Variants in GLIPR1 observed in about 807,000 individuals in gnomAD.
GLIPR1 encodes the protein GLI pathogenesis related 1.
GLIPR1 carries 38 observed loss-of-function variants against 30.3 expected under a neutral mutation model. That is an observed-to-expected ratio of 1.26 (90% CI 0.97 to 1.65). The LOEUF is 1.65. Among genes scored for constraint, GLIPR1 ranks in the 40% most tolerant of loss-of-function variants. The pLI, the probability that GLIPR1 is intolerant of heterozygous loss-of-function variation, is 0.00. For missense variants in GLIPR1, 285 were observed against 326.5 expected (o/e 0.87, Z 0.98); for synonymous variants, 122 against 110.6 (o/e 1.10, Z -0.65).
intron 1 of GLIPR1, 104 bp from the exon 2 acceptor site, chr12:75,481,730 A>C: frequency 3.1e-6 from 3 of 983,236 alleles, no homozygotes; most frequent in Non-Finnish European, 4.7e-6. Flanking sequence ...ATGCAGTGGT[A>C]TCTTCTCTCC....
intron 3 of GLIPR1, chr12:75,490,868 T>C (rs890427101): frequency 1.9e-5 from 3 of 159,488 alleles, no homozygotes; most frequent in African/African-American, 7.2e-5. Flanking sequence ...TGATGTTATA[T>C]TTATTGGTTT....
intron 4 of GLIPR1, chr12:75,496,967 A>T (rs2046355508): frequency 1.3e-5 from 2 of 152,232 alleles, no homozygotes; most frequent in South Asian, 4.1e-4. Context: ...ACATGTAGCC[A>T]CAATGCAGAT....
chr12:75,495,761 C>A, intron 4 of GLIPR1, 99 bp downstream of exon 4: 2 of 693,530 alleles, frequency 2.9e-6, no homozygotes, highest in South Asian at 2.0e-5. Flanking sequence ...TAACGGCTAT[C>A]TTCAAGGAAA....
intron 2 of GLIPR1, chr12:75,483,465 A>C (rs2046280543): frequency 6.6e-6 from 1 of 152,250 alleles, no homozygotes; most frequent in African/African-American, 2.4e-5. Flanking sequence ...TTATGAGCTA[A>C]CATTTTATTG....
At chr12:75,483,561 G>A (rs10748279) in intron 2 of GLIPR1, 141,059 of 152,266 alleles carry the variant, frequency 0.93, 65,443 homozygotes, top group East Asian at 1. Flanking sequence ...ATGGTCCCTG[G>A]CCCTCAGAAA....
rs1233894257 is a variant in GLIPR1, at chr12:75,501,672, G to C, written c.*2694G>C. ...AAAAAGATTCAGACAAATTTATTAT[G>C]GGTTTACTTTTCCTAATTAATAAAG... On this transcript the variant is annotated 3_prime_UTR_variant, in exon 6 of 6. Coordinates refer to ENST00000266659, the MANE Select transcript of GLIPR1 (RefSeq NM_006851.3). The C allele has an allele frequency of 1.7e-6, 2 of 1,167,600 alleles. No individual in the cohort carries two copies. The highest frequency in any genetic ancestry group is 4.0e-5 in the Admixed American group (2 of 50,032). 72.3% of individuals were successfully genotyped at this position (1,167,600 alleles called of 1,614,324 possible).
chr12:75,485,533 T>TTTATTTATTTA (rs1555239138), intron 2 of GLIPR1, among the ~76,000 whole-genome samples: 2 of 110,428 alleles, frequency 1.8e-5, no homozygotes, highest in Non-Finnish European at 4.1e-5. Context: ...GACAGCTTTA[T>TTTATTTATTTA]TTTATTTATT....
chr12:75,500,149 TAAAAC>T lies in GLIPR1; in HGVS notation c.*1175_*1179del, dbSNP rs1205395513. The T allele has an allele frequency of 2.2e-5, 9 of 408,378 alleles. No homozygotes were observed. The highest frequency in any genetic ancestry group is 3.4e-5 in the Non-Finnish European group (8 of 235,586). 25.3% of individuals were successfully genotyped at this position (408,378 alleles called of 1,614,324 possible). On this transcript the variant is annotated 3_prime_UTR_variant, in exon 6 of 6. Coordinates refer to ENST00000266659, the MANE Select transcript of GLIPR1 (RefSeq NM_006851.3). ...AGTTAGAAATTTCTTCAGATTAAGA[TAAAAC>T]AAATCATAAAATACTTTATATATTA...
intron 4 of GLIPR1, chr12:75,496,101 T>A (rs1391787938): frequency 6.6e-6 from 1 of 151,310 alleles, no homozygotes; most frequent in African/African-American, 2.4e-5. Context: ...TCTCACGGGT[T>A]CAGGCGATCC....
At chr12:75,498,667 T>TTTTC in intron 4 of GLIPR1, 27 bp from the exon 5 acceptor site, 1 of 1,598,288 alleles carries the variant, frequency 6.3e-7, no homozygotes, top group Non-Finnish European at 8.6e-7. Flanking sequence ...TTTTAATTTT[T>TTTTC]TTTCTTTCTT....
At chr12:75,490,557 C>CCCG in intron 3 of GLIPR1, 39 bp downstream of exon 3, 1 of 155,578 alleles carries the variant, frequency 6.4e-6, no homozygotes, top group East Asian at 1.7e-4. Flanking sequence ...GAAACGCCCC[C>CCCG]CCCCCCCCGC....
rs1035826809 is a variant in GLIPR1, at chr12:75,499,686, AACC to A, written c.*719_*721del. ...TTATAAAGAACACTCTTCTATGAAC[AACC>A]ACCACCACCAAAAAAAAAAAAAGCC... On this transcript the variant is annotated 3_prime_UTR_variant, in exon 6 of 6. Transcript: ENST00000266659. 319 of 557,280 alleles carry A rather than the reference AACC, an allele frequency of 5.7e-4. No homozygotes were observed. The highest frequency in any genetic ancestry group is 8.4e-4 in the Non-Finnish European group (282 of 337,630). The allele number at this position is 557,280 out of a possible 1,614,324, so 34.5% of individuals were successfully genotyped here.
intron 4 of GLIPR1, chr12:75,498,431 T>C (rs180943122): frequency 1.8e-5 from 6 of 335,126 alleles, no homozygotes; most frequent in African/African-American, 1.3e-4. Flanking sequence ...CTAGGTATGA[T>C]GTGTAAAATG....
intron 4 of GLIPR1, chr12:75,496,698 GGAA>G (rs756355349): frequency 6.6e-6 from 1 of 152,162 alleles, no homozygotes; most frequent in Non-Finnish European, 1.5e-5. Flanking sequence ...TTAGAATAGA[GGAA>G]GGACAGAGTC....
At position 75,481,132 on chromosome 12, in the gene GLIPR1, C is replaced by T. The variant is rs970883381; in HGVS notation, c.174+78C>T. 2.7e-5 allele frequency: 28 copies of T among 1,053,422 alleles called. No homozygotes were observed. The African/African-American group carries it at 4.4e-4, about 16-fold the overall frequency. The allele number at this position is 1,053,422 out of a possible 1,614,324, so 65.3% of individuals were successfully genotyped here. ...GTATTGACTTTGGTGTTAATACCTT[C>T]GTAATACTGAATGATTTTTTTTTCA... On this transcript the variant is annotated intron_variant, in intron 1 of 5. Coordinates refer to ENST00000266659, the MANE Select transcript of GLIPR1 (RefSeq NM_006851.3).
rs753356983 is a variant in GLIPR1, at chr12:75,490,537, C to A, written c.533+19C>A. Reference sequence around the variant, plus strand: ...GACCAGGGTAAGTGCCTGAATCAACCGGTTTATAGGAAACGCCCCCCCCCC... The same window carrying A: ...GACCAGGGTAAGTGCCTGAATCAACAGGTTTATAGGAAACGCCCCCCCCCC... On this transcript the variant is annotated intron_variant, in intron 3 of 5. Transcript: ENST00000266659. 7 of 440,294 alleles carry A rather than the reference C, an allele frequency of 1.6e-5. No individual in the cohort carries two copies. Among genetic ancestry groups the A allele is most frequent in the African/African-American group, 1.4e-4 (5 of 35,744 alleles). 27.3% of individuals were successfully genotyped at this position (440,294 alleles called of 1,614,324 possible). A position where few individuals can be genotyped will look rare whatever the true frequency, so the allele number is the denominator to read the frequency against.
At position 75,502,067 on chromosome 12, in the gene GLIPR1, T is replaced by A; in HGVS notation, c.*3089T>A. The A allele has an allele frequency of 7.9e-7, 1 of 1,268,090 alleles. No individual in the cohort carries two copies. The allele number at this position is 1,268,090 out of a possible 1,614,324, so 78.6% of individuals were successfully genotyped here. The stretch of plus-strand genomic sequence containing the variant: ...GAGGAGAAGTCATGTCCTAAGCAAG[T>A]CACAATATCCTTAGGGTAAAAACAA... On this transcript the variant is annotated 3_prime_UTR_variant, in exon 6 of 6. Transcript: ENST00000266659.
rs370583848 is a variant in GLIPR1, at chr12:75,490,686, CTTAA to C, written c.533+173_533+176del. Reference sequence around the variant, plus strand: ...TTTAATTCTTCTGCCCAGAGATATACTTAATTAACATTCTGGTACATTTTTCTTG... The same window carrying C: ...TTTAATTCTTCTGCCCAGAGATATACTTAACATTCTGGTACATTTTTCTTG... On this transcript the variant is annotated intron_variant, in intron 3 of 5. Transcript: ENST00000266659. Among the ~76,000 whole-genome samples, 28 of 151,658 alleles carry C rather than the reference CTTAA, an allele frequency of 1.8e-4. No homozygotes were observed. The South Asian group carries it at 2.5e-3, about 14-fold the overall frequency.
At position 75,503,730 on chromosome 12, in the gene GLIPR1, A is replaced by G. The variant is rs972943664; in HGVS notation, c.*4752A>G. On this transcript the variant is annotated 3_prime_UTR_variant, in exon 6 of 6. Transcript: ENST00000266659. ...AACGCCCCACTGCACACCCCCATGC[A>G]CTCAGCTCAAAATATGCCTATTTAT... The G allele has an allele frequency of 9.8e-6, 5 of 512,540 alleles. No individual in the cohort carries two copies. The highest frequency in any genetic ancestry group is 9.7e-5 in the African/African-American group (5 of 51,524). The allele number at this position is 512,540 out of a possible 1,614,324, so 31.7% of individuals were successfully genotyped here.
Sources: allele counts gnomAD v4.1 joint callset (sites outside exome capture counted in the v4.1 genomes callset), GRCh38; gene constraint gnomAD v4.1.1; transcripts MANE v1.5; gene names NCBI Gene and HGNC (gene_info 2026-07-23, HGNC 2026-07-21).